The following PRKCI variants were observed in gnomAD, a reference collection of about 807,000 sequenced individuals.
PRKCI encodes protein kinase C iota.
In PRKCI, 43 loss-of-function variants were observed where a neutral mutation model predicts 84.0. The ratio of observed to expected loss-of-function variants is 0.51; its 90% CI spans 0.40 to 0.66. PRKCI has a LOEUF of 0.66. PRKCI is among the 30% of genes least tolerant of loss of function. The pLI is 0.00. For missense variants in PRKCI, 459 were observed against 745.6 expected, an observed-to-expected ratio of 0.62 and a Z score of 4.48; for synonymous variants, 216 against 234.4, an observed-to-expected ratio of 0.92 and a Z score of 0.72.
intron 1 of PRKCI, among the ~76,000 whole-genome samples, chr3:170,228,405 G>T (rs1311396632): frequency 1.3e-5 from 2 of 152,120 alleles, no homozygotes; most frequent in Non-Finnish European, 2.9e-5. Flanking sequence ...TTGGAGACCA[G>T]CCTGGGCTGA....
intron 5 of PRKCI, 148 bp downstream of exon 5, chr3:170,268,148 A>ATACTGCCTCAG: frequency 1.6e-6 from 1 of 625,114 alleles, no homozygotes; most frequent in Non-Finnish European, 2.7e-6. Context: ...TGCCTGAGGC[A>ATACTGCCTCAG]GTATGCCTAT....
intron 2 of PRKCI, among the ~76,000 whole-genome samples, chr3:170,250,078 C>G (rs1733399505): frequency 6.6e-6 from 1 of 151,730 alleles, no homozygotes; most frequent in South Asian, 2.1e-4. Context: ...CAGTTTGAGA[C>G]CAGCCTGGCC....
intron 2 of PRKCI, among the ~76,000 whole-genome samples, chr3:170,251,964 C>G (rs1733460165): frequency 6.6e-6 from 1 of 151,164 alleles, no homozygotes; most frequent in Non-Finnish European, 1.5e-5. Context: ...GCCTGTAATC[C>G]CAGCACTTTG....
chr3:170,275,270 G>T lies in PRKCI; in HGVS notation c.688G>T (p.Val230Phe). Residue 230 changes from valine to phenylalanine, a missense_variant, in exon 8 of 18, where the codon GTT becomes TTT. Transcript: ENST00000295797. ...TTCAAGTCATGAGAGTTTGGATCAA[G>T]TTGGTGAAGAAAAAGAGGTAAGATA... ...NPSSHESLDQVGEEKEAMNTR... is the reference protein window; with the variant it reads ...NPSSHESLDQFGEEKEAMNTR... The T allele has an allele frequency of 6.3e-7, 1 of 1,592,162 alleles. No individual in the cohort carries two copies.
chr3:170,297,277 A>G (rs1283145927), intron 15 of PRKCI, 27 bp from the exon 16 acceptor site: 2 of 1,558,452 alleles, frequency 1.3e-6, no homozygotes, highest in Non-Finnish European at 1.8e-6. Context: ...CATTCACCCA[A>G]TTCTTGAAAC....
At chr3:170,285,322 G>T (rs554145513) in intron 12 of PRKCI, among the ~76,000 whole-genome samples, 5 of 152,060 alleles carry the variant, frequency 3.3e-5, no homozygotes, top group South Asian at 2.1e-4. Context: ...CTCATGATCC[G>T]CCTGCCTCAG....
At chr3:170,280,449 A>AT (rs2108858725) in intron 9 of PRKCI, 46 bp downstream of exon 9, 3 of 1,469,240 alleles carry the variant, frequency 2.0e-6, no homozygotes, top group Non-Finnish European at 1.8e-6. Context: ...TGAGAATACT[A>AT]TTCTTTTTTT....
At chr3:170,286,346 T>C (rs1233968141) in intron 12 of PRKCI, among the ~76,000 whole-genome samples, 1 of 152,168 alleles carries the variant, frequency 6.6e-6, no homozygotes, top group East Asian at 1.9e-4. Flanking sequence ...TGTCATTTTT[T>C]TTCCTAAGGG....
chr3:170,290,443 G>C (rs1390396570), intron 12 of PRKCI, among the ~76,000 whole-genome samples: 1 of 151,840 alleles, frequency 6.6e-6, no homozygotes, highest in Admixed American at 6.6e-5. Flanking sequence ...TACATGCAGG[G>C]AGTCTCTCTC....
intron 11 of PRKCI, 134 bp downstream of exon 11, chr3:170,282,102 G>A (rs1474684826): frequency 1.1e-5 from 9 of 846,518 alleles, no homozygotes; most frequent in Non-Finnish European, 1.4e-5. Flanking sequence ...CAGAGGCTGA[G>A]CTAAAAGTTA....
chr3:170,235,673 C>G (rs971284200), intron 2 of PRKCI, among the ~76,000 whole-genome samples: 2 of 151,018 alleles, frequency 1.3e-5, no homozygotes, highest in African/African-American at 4.9e-5. Context: ...TCAAGCGATT[C>G]TCCTGCCTCA....
intron 2 of PRKCI, among the ~76,000 whole-genome samples, chr3:170,250,623 G>C (rs1320612729): frequency 6.6e-6 from 1 of 152,028 alleles, no homozygotes; most frequent in Non-Finnish European, 1.5e-5. Flanking sequence ...ATATTCCATT[G>C]TATGGATATA....
chr3:170,257,821 C>T (rs1032579050), intron 2 of PRKCI, among the ~76,000 whole-genome samples: 2 of 151,860 alleles, frequency 1.3e-5, no homozygotes, highest in African/African-American at 4.8e-5. Context: ...CGTGCCACCA[C>T]GCCCAGCTAA....
Position 170,273,489 on chromosome 3 carries a change from C to T in PRKCI, c.646+149C>T, listed in dbSNP as rs968837997. ...TATTTTGTAGTGGTGAAATCAGTCA[C>T]ACTATTTAACATACACATTTGGCAT... On this transcript the variant is annotated intron_variant, in intron 7 of 17. Coordinates refer to ENST00000295797, the MANE Select transcript of PRKCI (RefSeq NM_002740.6). The T allele has an allele frequency of 1.2e-5, 9 of 756,132 alleles. No homozygotes were observed. In the South Asian group the frequency reaches 1.6e-4, roughly 14 times the overall value. 46.8% of individuals were successfully genotyped at this position (756,132 alleles called of 1,614,324 possible).
intron 8 of PRKCI, among the ~76,000 whole-genome samples, chr3:170,277,269 C>T (rs1734139206): frequency 6.6e-6 from 1 of 150,542 alleles, no homozygotes; most frequent in South Asian, 2.1e-4. Flanking sequence ...AAAAAAAGGG[C>T]AAAGGACATG....
intron 4 of PRKCI, among the ~76,000 whole-genome samples, chr3:170,264,333 G>T (rs1451488750): frequency 2.0e-5 from 3 of 152,022 alleles, no homozygotes; most frequent in Non-Finnish European, 4.4e-5. Flanking sequence ...AGGCTGGAGT[G>T]CAGTGACGCA....
chr3:170,265,872 C>T (rs1486347193), intron 4 of PRKCI, among the ~76,000 whole-genome samples: 2 of 152,004 alleles, frequency 1.3e-5, no homozygotes, highest in Non-Finnish European at 2.9e-5. Context: ...CTGCCCACCT[C>T]GGCCTCCCAA....
At chr3:170,256,160 G>A (rs1733579123) in intron 2 of PRKCI, among the ~76,000 whole-genome samples, 1 of 152,052 alleles carries the variant, frequency 6.6e-6, no homozygotes, top group Admixed American at 6.6e-5. Context: ...TGACATATTT[G>A]TCTGGTTTTA....
chr3:170,297,193 C>T, intron 15 of PRKCI, 111 bp from the exon 16 acceptor site: 8 of 830,192 alleles, frequency 9.6e-6, no homozygotes, highest in Non-Finnish European at 1.5e-5. Context: ...GTAGACCATT[C>T]CAACTTCAGA....
Sources: allele counts gnomAD v4.1 joint callset (sites outside exome capture counted in the v4.1 genomes callset), GRCh38; gene constraint gnomAD v4.1.1; transcripts MANE v1.5; gene names NCBI Gene and HGNC (gene_info 2026-07-23, HGNC 2026-07-21).